Variants in SPDEF observed in about 807,000 individuals in gnomAD.
SPDEF encodes the protein SAM pointed domain containing ETS transcription factor, also known as SAM pointed domain-containing Ets transcription factor.
A neutral mutation model predicts 36.0 loss-of-function variants in SPDEF; 12 were observed. The observed-to-expected ratio is 0.33, with a 90% CI of 0.21 to 0.54. The LOEUF (loss-of-function observed/expected upper bound fraction) is 0.54. SPDEF is among the 20% of genes least tolerant of loss of function. The pLI is 0.93. For synonymous variants in SPDEF, 205 were observed against 193.0 expected, an observed-to-expected ratio of 1.06 and a Z score of -0.51; for missense variants, 388 against 456.9, an observed-to-expected ratio of 0.85 and a Z score of 1.37.
intron 1 of SPDEF, among the ~76,000 whole-genome samples, chr6:34,545,349 G>A (rs891307399): frequency 2.0e-5 from 3 of 152,234 alleles, no homozygotes; most frequent in African/African-American, 7.2e-5. Flanking sequence ...AGGGCTCCAG[G>A]GAACACCTAA....
At chr6:34,543,635 T>A (rs550431484) in intron 2 of SPDEF, among the ~76,000 whole-genome samples, 149 of 152,096 alleles carry the variant, frequency 9.8e-4, no homozygotes, top group African/African-American at 3.4e-3. Flanking sequence ...ACACAGATAT[T>A]TGGGGGAAGA....
At chr6:34,545,615 A>C (rs1298372871) in intron 1 of SPDEF, among the ~76,000 whole-genome samples, 1 of 152,254 alleles carries the variant, frequency 6.6e-6, no homozygotes, top group Non-Finnish European at 1.5e-5. Context: ...AGACTTAAGA[A>C]TACATCAAGA....
At chr6:34,541,740 A>G (rs1767827181) in intron 2 of SPDEF, among the ~76,000 whole-genome samples, 1 of 152,222 alleles carries the variant, frequency 6.6e-6, no homozygotes. Flanking sequence ...CTCCAGGCAC[A>G]TGTGTTGAAT....
chr6:34,551,882 G>A (rs1049395836), intron 1 of SPDEF, among the ~76,000 whole-genome samples: 4 of 152,142 alleles, frequency 2.6e-5, no homozygotes, highest in Non-Finnish European at 5.9e-5. Context: ...TCATGCTGAC[G>A]GGGCGGGGAC....
intron 1 of SPDEF, among the ~76,000 whole-genome samples, chr6:34,554,508 C>T (rs1171011863): frequency 6.6e-6 from 1 of 152,280 alleles, no homozygotes; most frequent in Non-Finnish European, 1.5e-5. Context: ...GGGCCTCACT[C>T]AGAGGAAATG....
At chr6:34,545,560 C>G (rs1463890877) in intron 1 of SPDEF, among the ~76,000 whole-genome samples, 2 of 152,258 alleles carry the variant, frequency 1.3e-5, no homozygotes, top group African/African-American at 2.4e-5. Context: ...TGCGCAAGCA[C>G]TGAAACCCCA....
chr6:34,548,227 C>T (rs968282743), intron 1 of SPDEF, among the ~76,000 whole-genome samples: 2 of 152,222 alleles, frequency 1.3e-5, no homozygotes, highest in Non-Finnish European at 2.9e-5. Context: ...GGCTGTGCAG[C>T]TTGTCCAGGG....
Position 34,544,566 on chromosome 6 carries a change from CCCTG to C in SPDEF, c.-29-86_-29-83del. On this transcript the variant is annotated intron_variant, in intron 1 of 5. Transcript: ENST00000374037. The surrounding 1 kb of genome is among the most constrained non-coding windows in gnomAD (Gnocchi z 4.4). ...CTAAGCTGGTTATGGGGATGAGGGG[CCCTG>C]TGGACAGTGGGCTGGGCCTGGGACA... 1 of 1,179,022 alleles carries C rather than the reference CCCTG, an allele frequency of 8.5e-7. No homozygotes were observed. The highest frequency in any genetic ancestry group is 1.1e-6 in the Non-Finnish European group (1 of 873,302). The allele number at this position is 1,179,022 out of a possible 1,614,324, so 73.0% of individuals were successfully genotyped here. A position where few individuals can be genotyped will look rare whatever the true frequency, so the allele number is the denominator to read the frequency against.
At chr6:34,554,413 G>A (rs1002093263) in intron 1 of SPDEF, among the ~76,000 whole-genome samples, 3 of 151,848 alleles carry the variant, frequency 2.0e-5, no homozygotes, top group Non-Finnish European at 2.9e-5. Flanking sequence ...CGAATTCAGA[G>A]GGTCCTTGTG....
Position 34,538,540 on chromosome 6 carries a change from C to T in SPDEF, c.830-88G>A, listed in dbSNP as rs1015924414. 19 of 1,388,656 alleles carry T rather than the reference C, an allele frequency of 1.4e-5. 1 individual carries two copies. The highest frequency in any genetic ancestry group is 2.2e-4 in the Middle Eastern group (1 of 4,570). 86.0% of individuals were successfully genotyped at this position (1,388,656 alleles called of 1,614,324 possible). A position where few individuals can be genotyped will look rare whatever the true frequency, so the allele number is the denominator to read the frequency against. ...GCAGACCACCAGGTCAGCCTCGTGGCGAACCAAGGGACCCCGTGCAGAGGC... is the reference window on the plus strand; with the variant it reads ...GCAGACCACCAGGTCAGCCTCGTGGTGAACCAAGGGACCCCGTGCAGAGGC... On this transcript the variant is annotated intron_variant, in intron 5 of 5. Coordinates refer to ENST00000374037, the MANE Select transcript of SPDEF (RefSeq NM_012391.3). The surrounding 1 kb of genome is among the most constrained non-coding windows in gnomAD (Gnocchi z 5.9).
intron 2 of SPDEF, among the ~76,000 whole-genome samples, 176 bp from the exon 3 acceptor site, chr6:34,541,357 G>A (rs1326060156): frequency 6.6e-6 from 1 of 152,146 alleles, no homozygotes; most frequent in African/African-American, 2.4e-5. Context: ...AAGAGAGTGG[G>A]GCGAGAGGAA....
rs1312644172 is a variant in SPDEF, at chr6:34,556,063, AG to A, written c.-165del. On this transcript the variant is annotated 5_prime_UTR_variant, in exon 1 of 6. Transcript: ENST00000374037. Reference sequence around the variant, plus strand: ...GGGGCCAGCGGAACCAGGGGCCAGCAGGGCTGGTGGCAGAGGCAGCACTCAG... The same window carrying A: ...GGGGCCAGCGGAACCAGGGGCCAGCAGGCTGGTGGCAGAGGCAGCACTCAG... 1.3e-5 allele frequency: 2 copies of A among 152,606 alleles called. No homozygotes were observed. Among genetic ancestry groups the A allele is most frequent in the Admixed American group, 1.3e-4 (2 of 15,278 alleles). The allele number at this position is 152,606 out of a possible 1,614,324, so 9.5% of individuals were successfully genotyped here.
chr6:34,554,271 C>T (rs1292610355), intron 1 of SPDEF, among the ~76,000 whole-genome samples: 2 of 152,182 alleles, frequency 1.3e-5, no homozygotes, highest in African/African-American at 4.8e-5. Context: ...ATACTCACAA[C>T]GACCTCAGTG....
At position 34,549,323 on chromosome 6, in the gene SPDEF, C is replaced by T. The variant is rs1322522412; in HGVS notation, c.-29-4839G>A. ...GGGTGGCGGCCAGGGGGATTAGCCA[C>T]CTTGGGCCCCTTCTCTCAGCGCCTT... On this transcript the variant is annotated intron_variant, in intron 1 of 5. Coordinates refer to ENST00000374037, the MANE Select transcript of SPDEF (RefSeq NM_012391.3). 6.6e-5 allele frequency among the ~76,000 whole-genome samples: 10 copies of T among 152,314 alleles called. No individual in the cohort carries two copies. In the South Asian group the frequency reaches 1.2e-3, roughly 19 times the overall value.
Position 34,550,942 on chromosome 6 carries a change from C to T in SPDEF, c.-30+4987G>A, listed in dbSNP as rs540428288. Among the ~76,000 whole-genome samples the T allele has an allele frequency of 2.6e-5, 4 of 152,368 alleles. 1 individual carries two copies. Among genetic ancestry groups the T allele is most frequent in the East Asian group, 3.9e-4 (2 of 5,184 alleles). ...CATGGGCAGCCTGGGTGTCCACACACACCCTCACTGGCACTACTTCCAGCG... is the reference window on the plus strand; with the variant it reads ...CATGGGCAGCCTGGGTGTCCACACATACCCTCACTGGCACTACTTCCAGCG... On this transcript the variant is annotated intron_variant, in intron 1 of 5. Transcript: ENST00000374037.
At position 34,555,045 on chromosome 6, in the gene SPDEF, C is replaced by T. The variant is rs1255398982; in HGVS notation, c.-30+884G>A. Reference sequence around the variant, plus strand: ...GGGATCTTGGCCTGCCCCTCCCCAACATGCACACACACGCACACACACATG... The same window carrying T: ...GGGATCTTGGCCTGCCCCTCCCCAATATGCACACACACGCACACACACATG... On this transcript the variant is annotated intron_variant, in intron 1 of 5. Coordinates refer to ENST00000374037, the MANE Select transcript of SPDEF (RefSeq NM_012391.3). The surrounding 1 kb of genome is among the most constrained non-coding windows in gnomAD (Gnocchi z 5.2). Among the ~76,000 whole-genome samples, 1 of 152,106 alleles carries T rather than the reference C, an allele frequency of 6.6e-6. No homozygotes were observed. The highest frequency in any genetic ancestry group is 1.5e-5 in the Non-Finnish European group (1 of 68,002).
intron 1 of SPDEF, among the ~76,000 whole-genome samples, chr6:34,550,835 A>T (rs1768044082): frequency 6.6e-6 from 1 of 151,986 alleles, no homozygotes; most frequent in Non-Finnish European, 1.5e-5. Context: ...CGCCAGGGGA[A>T]CCCAGTGGTT....
At chr6:34,541,372 C>A (rs1767819859) in intron 2 of SPDEF, among the ~76,000 whole-genome samples, 191 bp from the exon 3 acceptor site, 1 of 152,146 alleles carries the variant, frequency 6.6e-6, no homozygotes, top group African/African-American at 2.4e-5. Flanking sequence ...GAGGAAGGAA[C>A]CAGGGCCCTA....
chr6:34,541,149 T>G lies in SPDEF; in HGVS notation c.469A>C (p.Lys157Gln), dbSNP rs1158364394. ...TGGTGCTCTGTCCACAGGAGCCACTTCTGCACATTGCTGGGGCTCCAGTCC... is the reference window on the plus strand; with the variant it reads ...TGGTGCTCTGTCCACAGGAGCCACTGCTGCACATTGCTGGGGCTCCAGTCC... ...PMDWSPSNVQ[K>Q]WLLWTEHQYR... The change falls in exon 3 of 6, where the codon AAG becomes CAG. Residue 157 changes from lysine to glutamine, a missense_variant. Physicochemically the swap from Lys to Gln is moderately conservative, Grantham distance 53. This residue lies in a region of SPDEF where 308 missense variants were observed against 326.1 expected (regional missense o/e 0.94). Transcript: ENST00000374037. 1 of 1,608,456 alleles carries G rather than the reference T, an allele frequency of 6.2e-7. No individual in the cohort carries two copies. Among genetic ancestry groups the G allele is most frequent in the Non-Finnish European group, 8.5e-7 (1 of 1,177,620 alleles).
Sources: allele counts gnomAD v4.1 joint callset (sites outside exome capture counted in the v4.1 genomes callset), GRCh38; gene constraint gnomAD v4.1.1; regional missense constraint gnomAD v4.1.1; non-coding constraint Gnocchi (gnomAD v3.1); transcripts MANE v1.5; gene names NCBI Gene and HGNC (gene_info 2026-07-23, HGNC 2026-07-21).